The following TGFBR2 variants were observed in gnomAD, a reference collection of about 807,000 sequenced individuals.
TGFBR2 encodes the protein transforming growth factor beta receptor 2, also known as TGF-beta receptor type-2.
A neutral mutation model predicts 49.0 loss-of-function variants in TGFBR2; 18 were observed. The observed-to-expected ratio is 0.37, with a 90% CI of 0.25 to 0.54. TGFBR2 has a LOEUF of 0.54. Among genes scored for constraint, TGFBR2 ranks in the 20% least tolerant of loss-of-function variants. The pLI is 0.85. For synonymous variants in TGFBR2, 282 were observed against 275.9 expected, an observed-to-expected ratio of 1.02 and a Z score of -0.22; for missense variants, 525 against 722.6, an observed-to-expected ratio of 0.73 and a Z score of 3.13.
intron 3 of TGFBR2, among the ~76,000 whole-genome samples, chr3:30,655,697 C>T (rs1052880065): frequency 4.6e-5 from 7 of 152,182 alleles, no homozygotes; most frequent in African/African-American, 7.2e-5. Context: ...TGAATGACTG[C>T]GCCATTATTG....
intron 1 of TGFBR2, among the ~76,000 whole-genome samples, chr3:30,618,409 T>G (rs540871679): frequency 6.6e-6 from 1 of 152,152 alleles, no homozygotes; most frequent in South Asian, 2.1e-4. Flanking sequence ...TTGTTGTTGT[T>G]GTATTTTTAG....
chr3:30,655,043 G>A (rs1228624829), intron 3 of TGFBR2, among the ~76,000 whole-genome samples: 2 of 152,208 alleles, frequency 1.3e-5, no homozygotes. Flanking sequence ...TTGGGCCAGT[G>A]ACTTGACATC....
chr3:30,623,156 A>G (rs1245626716), intron 1 of TGFBR2: 2 of 1,095,136 alleles, frequency 1.8e-6, no homozygotes, highest in Admixed American at 3.7e-5. Context: ...CTGTAATTTT[A>G]AAAACAGCTC....
rs778145481 is a variant in TGFBR2, at chr3:30,691,637, G to T, written c.*38G>T. 3 of 1,612,780 alleles carry T rather than the reference G, an allele frequency of 1.9e-6. No homozygotes were observed. The African/African-American group carries it at 4.0e-5, about 22-fold the overall frequency. On this transcript the variant is annotated 3_prime_UTR_variant, in exon 7 of 7. Transcript: ENST00000295754. ...AGGCTGGGCCATGTCCAAAGAGGCT[G>T]CCCCTCTCACCAAAGAACAGAGGCA...
rs541755564 is a variant in TGFBR2 at position 30,692,707 on chromosome 3, CAACTACACAATACTATCATTGTCAG to C, written c.*1109_*1133del. 79 of 233,266 alleles carry C rather than the reference CAACTACACAATACTATCATTGTCAG, an allele frequency of 3.4e-4. No homozygotes were observed. Among genetic ancestry groups the C allele is most frequent in the African/African-American group, 1.7e-3 (76 of 45,468 alleles). 14.4% of individuals were successfully genotyped at this position (233,266 alleles called of 1,614,324 possible). A position where few individuals can be genotyped will look rare whatever the true frequency, so the allele number is the denominator to read the frequency against. On this transcript the variant is annotated 3_prime_UTR_variant, in exon 7 of 7. Transcript: ENST00000295754. Reference sequence around the variant, plus strand: ...CAGTTTGGCCTGATGAAGAGGATTTCAACTACACAATACTATCATTGTCAGGACTATGACCTCAGGCACTCTAAAC... The same window carrying C: ...CAGTTTGGCCTGATGAAGAGGATTTCGACTATGACCTCAGGCACTCTAAAC...
intron 3 of TGFBR2, among the ~76,000 whole-genome samples, chr3:30,656,785 T>C (rs140390498): frequency 6.6e-6 from 1 of 152,348 alleles, no homozygotes; most frequent in African/African-American, 2.4e-5. Flanking sequence ...TGGACCCAAG[T>C]CCTAGACTTT....
Position 30,619,289 on chromosome 3 carries a change from T to C in TGFBR2, c.94+12312T>C, listed in dbSNP as rs531583820. ...TTGTCATCTGTAAAAATCACCTAAT[T>C]GGTCTCTGCTTATGGACACCCTTTG... On this transcript the variant is annotated intron_variant, in intron 1 of 6. Transcript: ENST00000295754. Among the ~76,000 whole-genome samples the C allele has an allele frequency of 5.3e-5, 8 of 152,302 alleles. No individual in the cohort carries two copies. In the East Asian group the frequency reaches 1.5e-3, roughly 29 times the overall value.
Position 30,671,879 on chromosome 3 carries a change from C to T in TGFBR2, c.696C>T (p.Ala232=), listed in dbSNP as rs768508812. 31 of 1,614,208 alleles carry T rather than the reference C, an allele frequency of 1.9e-5. No homozygotes were observed. In the South Asian group the frequency reaches 2.7e-4, roughly 14 times the overall value. ...DDRSDISSTC[A]NNINHNTELL... ...GCTCTGACATCAGCTCCACGTGTGC[C>T]AACAACATCAACCACAACACAGAGC... The change falls in exon 4 of 7, where the codon GCC becomes GCT. Residue 232 remains alanine (A), a synonymous_variant. Coordinates refer to ENST00000295754, the MANE Select transcript of TGFBR2 (RefSeq NM_003242.6).
At chr3:30,644,112 T>G (rs1305877540) in intron 1 of TGFBR2, among the ~76,000 whole-genome samples, 1 of 152,172 alleles carries the variant, frequency 6.6e-6, no homozygotes, top group Admixed American at 6.5e-5. Context: ...TTGATTTGCC[T>G]CAAACACAGA....
At position 30,672,149 on chromosome 3, in the gene TGFBR2, G is replaced by C. The variant is rs1335113103; in HGVS notation, c.966G>C (p.Trp322Cys). ...ERKTELGKQY[W>C]LITAFHAKGN... is the part of the protein sequence containing the mutation. ...AGACGGAGTTGGGGAAACAATACTGGCTGATCACCGCCTTCCACGCCAAGG... is the reference window on the plus strand; with the variant it reads ...AGACGGAGTTGGGGAAACAATACTGCCTGATCACCGCCTTCCACGCCAAGG... The change falls in exon 4 of 7, where the codon TGG becomes TGC. Residue 322 changes from tryptophan to cysteine, a missense_variant. Trp to Cys is a radical substitution (Grantham distance 215). Transcript: ENST00000295754. This position sits in a 1 kb window ranked among gnomAD's most constrained non-coding sequence, Gnocchi z 4.5. 6.2e-7 allele frequency: 1 copy of C among 1,614,032 alleles called. No individual in the cohort carries two copies. Among genetic ancestry groups the C allele is most frequent in the South Asian group, 1.1e-5 (1 of 91,088 alleles).
chr3:30,659,394 C>T (rs1699072075), intron 3 of TGFBR2, among the ~76,000 whole-genome samples: 1 of 152,100 alleles, frequency 6.6e-6, no homozygotes, highest in African/African-American at 2.4e-5. Flanking sequence ...TTAGAAAGCA[C>T]ACTTGGAATT....
In TGFBR2 at chr3:30,680,388, C is replaced by T. The variant is rs114771442; in HGVS notation, c.1396+6142C>T. On this transcript the variant is annotated intron_variant, in intron 5 of 6. Transcript: ENST00000295754. ...AGATAACTGTTTTATCTTTATTTCC[C>T]TAAAGATATATTTATTCATTCATTC... Among the ~76,000 whole-genome samples the T allele has an allele frequency of 3.0e-3, 458 of 152,192 alleles. 4 individuals carry two copies. Among genetic ancestry groups the T allele is most frequent in the African/African-American group, 0.01 (432 of 41,514 alleles).
chr3:30,646,311 C>T (rs1162243365), intron 2 of TGFBR2, among the ~76,000 whole-genome samples: 1 of 152,164 alleles, frequency 6.6e-6, no homozygotes, highest in Non-Finnish European at 1.5e-5. Flanking sequence ...GATACCTGTC[C>T]ATGTCCACTT....
chr3:30,607,030 C>T, intron 1 of TGFBR2, 53 bp downstream of exon 1: 1 of 1,466,452 alleles, frequency 6.8e-7, no homozygotes, highest in South Asian at 1.2e-5. Flanking sequence ...TTCCTGGGGT[C>T]CCCGCCTCTC....
At chr3:30,623,559 C>T (rs1366870687) in intron 1 of TGFBR2, among the ~76,000 whole-genome samples, 1 of 152,114 alleles carries the variant, frequency 6.6e-6, no homozygotes, top group Non-Finnish European at 1.5e-5. Context: ...TTACTTTTCC[C>T]CTTTTCTTAT....
intron 3 of TGFBR2, among the ~76,000 whole-genome samples, chr3:30,663,756 C>G (rs1699188960): frequency 6.6e-6 from 1 of 152,080 alleles, no homozygotes; most frequent in Non-Finnish European, 1.5e-5. Flanking sequence ...CTGACCTGAC[C>G]AGTGGTTACA....
chr3:30,644,758 A>G lies in TGFBR2; in HGVS notation c.106A>G (p.Met36Val), dbSNP rs17025864. The change falls in exon 2 of 7, where the codon ATG becomes GTG. Residue 36 changes from methionine (M) to valine (V), a missense_variant. This residue lies in a region of TGFBR2 where 376 missense variants were observed against 478.2 expected (regional missense o/e 0.79). Transcript: ENST00000295754. ...TTCTCTCTCCTCAGTTAATAACGAC[A>G]TGATAGTCACTGACAACAACGGTGC... ...PHVQKSVNNDMIVTDNNGAVK... is the reference protein window; with the variant it reads ...PHVQKSVNNDVIVTDNNGAVK... The G allele has an allele frequency of 1.3e-4, 216 of 1,614,118 alleles. 1 individual carries two copies. In the African/African-American group the frequency reaches 2.5e-3, roughly 19 times the overall value.
chr3:30,623,062 C>A, intron 1 of TGFBR2: 2 of 646,596 alleles, frequency 3.1e-6, no homozygotes, highest in South Asian at 3.8e-5. Context: ...ACATATTGAC[C>A]ATGTCTAGTT....
chr3:30,678,546 T>TCAG (rs370795703), intron 5 of TGFBR2, among the ~76,000 whole-genome samples: 1 of 100,870 alleles, frequency 9.9e-6, no homozygotes, highest in African/African-American at 4.4e-5. Context: ...AGACTGCGTC[T>TCAG]AAAAAAAAAA....
Sources: allele counts gnomAD v4.1 joint callset (sites outside exome capture counted in the v4.1 genomes callset), GRCh38; gene constraint gnomAD v4.1.1; regional missense constraint gnomAD v4.1.1; non-coding constraint Gnocchi (gnomAD v3.1); transcripts MANE v1.5; gene names NCBI Gene and HGNC (gene_info 2026-07-23, HGNC 2026-07-21).